RBFOX1: variants seen among roughly 807,000 people sequenced by gnomAD.
RBFOX1 encodes the protein RNA binding protein fox-1 homolog 1.
In RBFOX1, 8 loss-of-function variants were observed where a neutral mutation model predicts 57.7. That is an observed-to-expected ratio of 0.14 (90% CI 0.08 to 0.25). RBFOX1 has a LOEUF of 0.25. Among genes scored for constraint, RBFOX1 ranks in the 10% least tolerant of loss-of-function variants. The pLI is 1.00. For missense variants in RBFOX1, 611 were observed against 548.5 expected (o/e 1.11, Z -1.14); for synonymous variants, 326 against 222.4 (o/e 1.47, Z -4.15).
chr16:5,903,941 G>A (rs537315108), intron 4 of RBFOX1, among the ~76,000 whole-genome samples: 2 of 152,234 alleles, frequency 1.3e-5, no homozygotes, highest in East Asian at 1.9e-4. Context: ...GTGGAGGCAC[G>A]TTTTCCTCTA....
At position 7,592,973 on chromosome 16, in the gene RBFOX1, A is replaced by G. The variant is rs1029888057; in HGVS notation, c.469-2576A>G. 2.2e-5 allele frequency among the ~76,000 whole-genome samples: 3 copies of G among 138,538 alleles called. No homozygotes were observed. In the Admixed American group the frequency reaches 2.2e-4, roughly 10 times the overall value. 90.9% of individuals were successfully genotyped at this position (138,538 alleles called of 152,430 possible). A position where few individuals can be genotyped will look rare whatever the true frequency, so the allele number is the denominator to read the frequency against. ...AGAGACAATAGGTACAGGCTGTCACACCTGGCTTTTTTTTTTTTTTTGGTA... is the reference window on the plus strand; with the variant it reads ...AGAGACAATAGGTACAGGCTGTCACGCCTGGCTTTTTTTTTTTTTTTGGTA... On this transcript the variant is annotated intron_variant, in intron 7 of 15. Transcript: ENST00000550418.
At chr16:5,687,722 C>G (rs1031831686) in intron 3 of RBFOX1, among the ~76,000 whole-genome samples, 4 of 152,158 alleles carry the variant, frequency 2.6e-5, no homozygotes, top group Admixed American at 6.5e-5. Context: ...ACCTGGGAAC[C>G]CCTTCATTCT....
intron 1 of RBFOX1, among the ~76,000 whole-genome samples, chr16:6,085,430 G>T (rs936822365): frequency 2.6e-5 from 4 of 151,988 alleles, no homozygotes; most frequent in African/African-American, 9.7e-5. Context: ...GCGCCGCTAT[G>T]CCCAGCTAAT....
intron 1 of RBFOX1, among the ~76,000 whole-genome samples, chr16:6,116,004 A>G (rs1037484866): frequency 9.2e-5 from 14 of 152,248 alleles, no homozygotes; most frequent in African/African-American, 3.4e-4. Context: ...ACAATAGCAG[A>G]AACTTGGAAC....
At chr16:7,414,334 A>T (rs971760199) in intron 4 of RBFOX1, among the ~76,000 whole-genome samples, 1 of 152,222 alleles carries the variant, frequency 6.6e-6, no homozygotes, top group African/African-American at 2.4e-5. Context: ...ACAAAGTTGG[A>T]GTAAAAGTAA....
At chr16:6,942,681 G>T (rs770449840) in intron 3 of RBFOX1, among the ~76,000 whole-genome samples, 5 of 152,154 alleles carry the variant, frequency 3.3e-5, no homozygotes, top group Non-Finnish European at 7.3e-5. Context: ...GTCTGACTTG[G>T]ATGTGAACTT....
chr16:6,728,886 AATGAT>A (rs2067869210), intron 3 of RBFOX1, among the ~76,000 whole-genome samples: 2 of 152,310 alleles, frequency 1.3e-5, no homozygotes, highest in South Asian at 4.1e-4. Flanking sequence ...ATTTTTAGAT[AATGAT>A]ATATATATAG....
chr16:5,733,422 T>C (rs1435219652), intron 3 of RBFOX1, among the ~76,000 whole-genome samples: 1 of 152,158 alleles, frequency 6.6e-6, no homozygotes, highest in East Asian at 1.9e-4. Context: ...TCAACTCCAA[T>C]GTGCAAGTGG....
intron 4 of RBFOX1, among the ~76,000 whole-genome samples, chr16:5,985,163 T>C (rs2152314147): frequency 6.6e-6 from 1 of 151,146 alleles, no homozygotes; most frequent in Admixed American, 6.6e-5. Flanking sequence ...TATATATATA[T>C]TTTTATTTTT....
At chr16:6,215,341 G>A (rs541840991) in intron 1 of RBFOX1, among the ~76,000 whole-genome samples, 148 of 144,972 alleles carry the variant, frequency 1.0e-3, no homozygotes, top group Middle Eastern at 3.8e-3. Context: ...AGGGGGAGAA[G>A]GAAAGGGAGA....
Position 6,616,653 on chromosome 16 carries a change from C to T in RBFOX1, c.-63-37950C>T, listed in dbSNP as rs139215105. On this transcript the variant is annotated intron_variant, in intron 2 of 15. Coordinates refer to ENST00000550418, the MANE Select transcript of RBFOX1 (RefSeq NM_018723.4). ...TCGTGCCACTGCACTCCAGCCTGGG[C>T]GACAGAGCAAGACTCAGGTGATCTA... Among the ~76,000 whole-genome samples the T allele has an allele frequency of 3.4e-3, 516 of 152,286 alleles. 6 individuals are homozygous for T. The highest frequency in any genetic ancestry group is 0.011 in the African/African-American group (472 of 41,560).
intron 3 of RBFOX1, among the ~76,000 whole-genome samples, chr16:6,667,813 CAGGAGTTCG>C (rs1162261870): frequency 6.6e-6 from 1 of 151,908 alleles, no homozygotes; most frequent in African/African-American, 2.4e-5. Flanking sequence ...CTCTGGAGCC[CAGGAGTTCG>C]AGGCTGCAGT....
At chr16:7,698,638 T>C (rs2079596130) in intron 14 of RBFOX1, among the ~76,000 whole-genome samples, 2 of 152,218 alleles carry the variant, frequency 1.3e-5, no homozygotes, top group Non-Finnish European at 2.9e-5. Context: ...TCTCATCTAA[T>C]TGTCTTTTCT....
intron 3 of RBFOX1, among the ~76,000 whole-genome samples, chr16:6,970,061 C>G (rs962306547): frequency 6.6e-6 from 1 of 151,688 alleles, no homozygotes; most frequent in African/African-American, 2.4e-5. Context: ...ACCTGTAGTT[C>G]CAGCTACTTG....
intron 2 of RBFOX1, among the ~76,000 whole-genome samples, chr16:6,489,227 C>G (rs1052867642): frequency 6.6e-6 from 1 of 152,160 alleles, no homozygotes; most frequent in Non-Finnish European, 1.5e-5. Flanking sequence ...AATGGAAGAG[C>G]AATTCTAACA....
At chr16:5,963,211 C>T (rs921956596) in intron 4 of RBFOX1, among the ~76,000 whole-genome samples, 9 of 152,182 alleles carry the variant, frequency 5.9e-5, no homozygotes, top group East Asian at 3.9e-4. Context: ...CTGTATCAAA[C>T]CCCAAACCTG....
chr16:7,084,356 G>A (rs954184305), intron 4 of RBFOX1, among the ~76,000 whole-genome samples: 2 of 152,140 alleles, frequency 1.3e-5, no homozygotes, highest in African/African-American at 4.8e-5. Context: ...AGAAAAAAAT[G>A]TGGATAGAAA....
Position 6,440,454 on chromosome 16 carries a change from A to G in RBFOX1, c.-64+123397A>G, listed in dbSNP as rs565253309. Reference sequence around the variant, plus strand: ...CAGGAGGTGGTTTCTGTTCTGGCCTATGGTATTTAGGCTGAGAAATTAGGA... The same window carrying G: ...CAGGAGGTGGTTTCTGTTCTGGCCTGTGGTATTTAGGCTGAGAAATTAGGA... On this transcript the variant is annotated intron_variant, in intron 2 of 15. Coordinates refer to ENST00000550418, the MANE Select transcript of RBFOX1 (RefSeq NM_018723.4). Among the ~76,000 whole-genome samples the G allele has an allele frequency of 3.3e-5, 5 of 152,222 alleles. No homozygotes were observed. The East Asian group carries it at 7.8e-4, about 24-fold the overall frequency.
At chr16:7,224,774 T>C (rs772099458) in intron 4 of RBFOX1, among the ~76,000 whole-genome samples, 1 of 152,230 alleles carries the variant, frequency 6.6e-6, no homozygotes, top group Non-Finnish European at 1.5e-5. Context: ...AAGTCCTCGT[T>C]ATTCAAAGTG....
Sources: allele counts gnomAD v4.1 joint callset (sites outside exome capture counted in the v4.1 genomes callset), GRCh38; gene constraint gnomAD v4.1.1; transcripts MANE v1.5; gene names NCBI Gene and HGNC (gene_info 2026-07-23, HGNC 2026-07-21).